The following PTCH1 variants were observed in gnomAD, a reference collection of about 807,000 sequenced individuals.
PTCH1 encodes the protein patched 1, also known as protein patched homolog 1.
PTCH1 carries 14 observed loss-of-function variants against 144.6 expected under a neutral mutation model. The observed-to-expected ratio is 0.10, with a 90% confidence interval of 0.06 to 0.15. PTCH1 has a LOEUF of 0.15. PTCH1 is among the 10% of genes least tolerant of loss of function. PTCH1 has a pLI of 1.00. For missense variants in PTCH1, 1,623 were observed against 1,948.3 expected (o/e 0.83, Z 3.14); for synonymous variants, 833 against 793.6 (o/e 1.05, Z -0.83).
chr9:95,504,186 A>T (rs749369776), intron 2 of PTCH1, among the ~76,000 whole-genome samples: 18 of 152,130 alleles, frequency 1.2e-4, no homozygotes, highest in Non-Finnish European at 2.1e-4. Context: ...TTGGCCCAAG[A>T]CCAGTGAGTC....
chr9:95,451,168 G>T (rs1438168846), intron 20 of PTCH1: 1 of 152,196 alleles, frequency 6.6e-6, no homozygotes, highest in Non-Finnish European at 1.5e-5. Flanking sequence ...AGAAACTTCT[G>T]AACTACATTA....
rs759501618 is a variant in PTCH1, at chr9:95,458,193, G to A, written c.2988C>T (p.Thr996=). 3.7e-6 allele frequency: 6 copies of A among 1,614,172 alleles called. No individual in the cohort carries two copies. In the South Asian group the frequency reaches 6.6e-5, roughly 18 times the overall value. ...DFVEAIEKVR[T]ICSNYTSLGL... ...CCAGGCTCGTATAGTTGCTGCAGATGGTCCTTACTTTTTCAATTGCCTCCA... is the reference window on the plus strand; with the variant it reads ...CCAGGCTCGTATAGTTGCTGCAGATAGTCCTTACTTTTTCAATTGCCTCCA... Residue 996 remains threonine, a synonymous_variant, in exon 18 of 24, where the codon ACC becomes ACT. Transcript: ENST00000331920. This position sits in a 1 kb window ranked among gnomAD's most constrained non-coding sequence, Gnocchi z 4.7.
chr9:95,509,584 G>A (rs1844034691), upstream of PTCH1, among the ~76,000 whole-genome samples: 1 of 152,324 alleles, frequency 6.6e-6, no homozygotes, highest in South Asian at 2.1e-4. Context: ...CTTTTTGTGG[G>A]ATGCCTTTGC....
At chr9:95,467,055 AACCTGTTGAAGCTGAACACGCAAAAG>A (rs1462837302) in intron 15 of PTCH1, 35 bp downstream of exon 15, 3 of 1,539,456 alleles carry the variant, frequency 1.9e-6, no homozygotes, top group Non-Finnish European at 2.7e-6. Flanking sequence ...ATGACAAAGG[AACCTGTTGAAGCTGAACACGCAAAAG>A]ACCGAAAGGA....
chr9:95,449,723 T>G lies in PTCH1; in HGVS notation c.3549+118A>C. ...GAGGAAAACAGACATGACTCTGAGA[T>G]GTTTACTGAAGAACCACCAGCAAGT... is the stretch of plus-strand genomic sequence containing the variant. On this transcript the variant is annotated intron_variant, in intron 21 of 23. Transcript: ENST00000331920. The surrounding 1 kb of genome is among the most constrained non-coding windows in gnomAD (Gnocchi z 5.3). The G allele has an allele frequency of 1.0e-6, 1 of 967,818 alleles. No individual in the cohort carries two copies. Among genetic ancestry groups the G allele is most frequent in the South Asian group, 1.4e-5 (1 of 72,438 alleles). 60.0% of individuals were successfully genotyped at this position (967,818 alleles called of 1,614,324 possible).
intron 8 of PTCH1, among the ~76,000 whole-genome samples, chr9:95,478,685 T>C (rs2118356151): frequency 6.6e-6 from 1 of 152,304 alleles, no homozygotes; most frequent in East Asian, 1.9e-4. Context: ...TGTGAACAGA[T>C]TCTATGCCTT....
Position 95,447,084 on chromosome 9 carries a change from C to T in PTCH1, c.4172G>A (p.Arg1391Gln), listed in dbSNP as rs773676486. Residue 1391 changes from arginine (R) to glutamine (Q), a missense_variant, in exon 23 of 24, where the codon CGG becomes CAG. Transcript: ENST00000331920. ...TGGGCAGAGTCCCCCTCGGGGGTTC[C>T]GCCCAGGCCCAGGGACAGGCGGCGG... The part of the protein sequence containing the change: ...VHPPPVPGPG[R>Q]NPRGGLCPGY... 64 of 1,613,812 alleles carry T rather than the reference C, an allele frequency of 4.0e-5. No individual in the cohort carries two copies. Among genetic ancestry groups the T allele is most frequent in the Admixed American group, 8.3e-5 (5 of 60,016 alleles).
At chr9:95,478,944 A>C (rs1841309645) in intron 8 of PTCH1, 56 bp downstream of exon 8, 1 of 1,611,694 alleles carries the variant, frequency 6.2e-7, no homozygotes, top group South Asian at 1.1e-5. Flanking sequence ...AATAATGGTG[A>C]AAATGAAGAA....
rs75297915 is a variant in PTCH1 at position 95,477,058 on chromosome 9, G to A, written c.1504-201C>T. ...GATCCTGCACGTTTCTACTTCGAAA[G>A]TCAGTGTACTATCATTTTTTAAGCT... is the stretch of plus-strand genomic sequence containing the variant. On this transcript the variant is annotated intron_variant, in intron 10 of 23. Transcript: ENST00000331920. Among the ~76,000 whole-genome samples, 88 of 152,342 alleles carry A rather than the reference G, an allele frequency of 5.8e-4. No individual in the cohort carries two copies. In the East Asian group the frequency reaches 7.7e-3, roughly 13 times the overall value.
chr9:95,466,613 G>A (rs573645513), intron 15 of PTCH1, among the ~76,000 whole-genome samples: 5 of 152,088 alleles, frequency 3.3e-5, no homozygotes, highest in African/African-American at 1.2e-4. Flanking sequence ...AATTTTCCTG[G>A]GAACCTAAAA....
chr9:95,460,706 C>T (rs567486569), intron 16 of PTCH1, among the ~76,000 whole-genome samples: 2 of 152,274 alleles, frequency 1.3e-5, no homozygotes, highest in East Asian at 1.9e-4. Flanking sequence ...AATCAAACAG[C>T]GCAGCCCGTG....
At chr9:95,494,365 C>A in intron 2 of PTCH1, 2 of 985,568 alleles carry the variant, frequency 2.0e-6, no homozygotes, top group South Asian at 4.7e-5. Context: ...CACGAGTTCC[C>A]GAGACGACGC....
chr9:95,504,001 C>G, intron 2 of PTCH1, among the ~76,000 whole-genome samples: 1 of 40,532 alleles, frequency 2.5e-5, no homozygotes, highest in South Asian at 5.4e-4. Context: ...CTGGCCTGGG[C>G]GACAGAGCGA....
intron 2 of PTCH1, among the ~76,000 whole-genome samples, chr9:95,497,147 T>C (rs1410653071): frequency 5.9e-5 from 9 of 152,232 alleles, no homozygotes; most frequent in Non-Finnish European, 8.8e-5. Flanking sequence ...CAAACTGAAA[T>C]CCTATTTCTT....
chr9:95,492,496 G>A (rs1349003102), intron 2 of PTCH1, among the ~76,000 whole-genome samples: 2 of 152,102 alleles, frequency 1.3e-5, no homozygotes, highest in Non-Finnish European at 2.9e-5. Context: ...CATTGTTTCA[G>A]GCACACAATT....
intron 1 of PTCH1, chr9:95,507,529 A>AC: frequency 2.5e-6 from 2 of 809,162 alleles, no homozygotes; most frequent in Non-Finnish European, 3.0e-6. Flanking sequence ...TCCTCCCCCG[A>AC]CCAGGCCCTA....
chr9:95,486,234 C>T (rs1201230854), intron 2 of PTCH1, among the ~76,000 whole-genome samples: 4 of 152,186 alleles, frequency 2.6e-5, no homozygotes, highest in African/African-American at 9.7e-5. Context: ...ATAAACAATG[C>T]GCCCCTGCAG....
chr9:95,488,534 C>T (rs1842150218), intron 2 of PTCH1, among the ~76,000 whole-genome samples: 1 of 137,496 alleles, frequency 7.3e-6, no homozygotes, highest in Admixed American at 8.5e-5. Context: ...GATTCAAAAA[C>T]GTTAATGAAG....
At chr9:95,471,475 C>T (rs905832398) in intron 12 of PTCH1, among the ~76,000 whole-genome samples, 1 of 152,224 alleles carries the variant, frequency 6.6e-6, no homozygotes. Flanking sequence ...CAAATAAGCT[C>T]ATCACCACTG....
Sources: allele counts gnomAD v4.1 joint callset (sites outside exome capture counted in the v4.1 genomes callset), GRCh38; gene constraint gnomAD v4.1.1; non-coding constraint Gnocchi (gnomAD v3.1); transcripts MANE v1.5; gene names NCBI Gene and HGNC (gene_info 2026-07-23, HGNC 2026-07-21).